CTNNA2: variants seen among roughly 807,000 people sequenced by gnomAD.
CTNNA2 encodes the protein catenin alpha-2.
CTNNA2 carries 42 observed loss-of-function variants against 101.0 expected under a neutral mutation model. That is an observed-to-expected ratio of 0.42 (90% confidence interval 0.32 to 0.54). The LOEUF is 0.54. Ranked by LOEUF, CTNNA2 falls within the 20% of genes least tolerant of loss-of-function variation. CTNNA2 has a pLI of 0.14. For missense variants in CTNNA2, 871 were observed against 1,223.1 expected (o/e 0.71, Z 4.29); for synonymous variants, 450 against 456.4 (o/e 0.99, Z 0.18).
At chr2:79,526,697 A>G (rs79839199) in intron 1 of CTNNA2, among the ~76,000 whole-genome samples, 1,639 of 152,256 alleles carry the variant, frequency 0.011, 33 homozygotes, top group East Asian at 0.048. Context: ...TGATTTTTCA[A>G]CAAGGGTGAC....
chr2:79,493,414 G>A (rs1193918817), intron 4 of CTNNA2, among the ~76,000 whole-genome samples: 5 of 152,064 alleles, frequency 3.3e-5, no homozygotes, highest in South Asian at 2.1e-4. Flanking sequence ...TCAGATGTTC[G>A]AGACCAGCCT....
intron 4 of CTNNA2, among the ~76,000 whole-genome samples, chr2:79,445,180 A>G (rs1041510591): frequency 6.6e-5 from 10 of 152,144 alleles, no homozygotes; most frequent in African/African-American, 2.4e-4. Context: ...TGCTTTCTGG[A>G]GAGTAAGGAG....
chr2:80,543,128 T>C (rs1004994613), intron 9 of CTNNA2, among the ~76,000 whole-genome samples: 7 of 152,324 alleles, frequency 4.6e-5, no homozygotes, highest in Admixed American at 2.6e-4. Context: ...ATTTATTAAA[T>C]AAACATGTAC....
rs1033272726 is a variant in CTNNA2 at position 80,489,802 on chromosome 2, C to T, written c.1291-55180C>T. On this transcript the variant is annotated intron_variant, in intron 9 of 18. Transcript: ENST00000402739. ...AATTTTATTTTAATGTTCAGACATG[C>T]TGATTGTGGAAAGACAGTGTGAGAA... is the stretch of plus-strand genomic sequence containing the variant. Among the ~76,000 whole-genome samples, 21 of 152,168 alleles carry T rather than the reference C, an allele frequency of 1.4e-4. No homozygotes were observed. The Middle Eastern group carries it at 0.014, about 99-fold the overall frequency.
intron 4 of CTNNA2, among the ~76,000 whole-genome samples, chr2:79,384,864 G>T (rs1454613273): frequency 1.3e-5 from 2 of 152,032 alleles, no homozygotes; most frequent in African/African-American, 4.8e-5. Context: ...CTTATACTAG[G>T]AATTTGGTTC....
At chr2:80,619,865 T>A (rs537491010) in intron 18 of CTNNA2, among the ~76,000 whole-genome samples, 46 of 152,094 alleles carry the variant, frequency 3.0e-4, no homozygotes, top group African/African-American at 1.0e-3. Context: ...CTAACCCTGA[T>A]GCTGTTTCAT....
intron 15 of CTNNA2, chr2:80,603,686 T>A (rs1284046239): frequency 6.3e-6 from 1 of 159,910 alleles, no homozygotes; most frequent in Non-Finnish European, 1.4e-5. Flanking sequence ...CTCATTTTAT[T>A]TTCTAAATGG....
intron 2 of CTNNA2, among the ~76,000 whole-genome samples, chr2:79,261,334 C>T (rs1340529717): frequency 2.6e-5 from 4 of 152,300 alleles, no homozygotes; most frequent in Non-Finnish European, 4.4e-5. Flanking sequence ...TATCAACAGG[C>T]TACGTGGAGA....
chr2:79,773,924 G>A (rs1399211275), intron 3 of CTNNA2, among the ~76,000 whole-genome samples: 1 of 152,038 alleles, frequency 6.6e-6, no homozygotes, highest in South Asian at 2.1e-4. Context: ...TAAAATCTTG[G>A]CTGCTGTATT....
chr2:80,559,254 T>C lies in CTNNA2; in HGVS notation c.1741+3361T>C, dbSNP rs78643642. On this transcript the variant is annotated intron_variant, in intron 12 of 18. Coordinates refer to ENST00000402739, the MANE Select transcript of CTNNA2 (RefSeq NM_001282597.3). The stretch of plus-strand genomic sequence containing the variant: ...TGAAAAGGGAGTGGGGTTGGGAGTA[T>C]ATTACAAAGAAGAATCTGTAAAAGG... Among the ~76,000 whole-genome samples the C allele has an allele frequency of 1.9e-4, 29 of 152,282 alleles. No homozygotes were observed. In the East Asian group the frequency reaches 4.1e-3, roughly 21 times the overall value.
chr2:79,267,961 C>A (rs1362635786), intron 2 of CTNNA2, among the ~76,000 whole-genome samples: 1 of 152,092 alleles, frequency 6.6e-6, no homozygotes, highest in Non-Finnish European at 1.5e-5. Flanking sequence ...TAGAGGTGAG[C>A]AAGGCAGAAT....
chr2:80,449,510 T>C lies in CTNNA2; in HGVS notation c.1290+29909T>C, dbSNP rs548511175. On this transcript the variant is annotated intron_variant, in intron 9 of 18. Coordinates refer to ENST00000402739, the MANE Select transcript of CTNNA2 (RefSeq NM_001282597.3). ...CTGTTTTCAAATAACTTTCTATACTTAAAATGATTTTTAATGGATCCTCCT... is the reference window on the plus strand; with the variant it reads ...CTGTTTTCAAATAACTTTCTATACTCAAAATGATTTTTAATGGATCCTCCT... 1.2e-4 allele frequency among the ~76,000 whole-genome samples: 19 copies of C among 152,304 alleles called. 1 individual carries two copies. The East Asian group carries it at 3.7e-3, about 29-fold the overall frequency.
At chr2:80,345,696 A>T (rs1176758995) in intron 7 of CTNNA2, among the ~76,000 whole-genome samples, 1 of 152,170 alleles carries the variant, frequency 6.6e-6, no homozygotes, top group African/African-American at 2.4e-5. Context: ...AATAGTTCTT[A>T]ATCTTTTCTA....
At chr2:80,034,683 A>T (rs1024580953) in intron 7 of CTNNA2, among the ~76,000 whole-genome samples, 4 of 152,158 alleles carry the variant, frequency 2.6e-5, no homozygotes, top group Admixed American at 2.6e-4. Context: ...AATAAATGCA[A>T]ATTTAAAATA....
intron 6 of CTNNA2, among the ~76,000 whole-genome samples, chr2:79,876,045 A>G (rs2104076539): frequency 6.6e-6 from 1 of 152,286 alleles, no homozygotes; most frequent in Non-Finnish European, 1.5e-5. Flanking sequence ...GGACCTAAAA[A>G]GTCAAATTAT....
chr2:80,410,456 A>C (rs1385120513), intron 8 of CTNNA2, among the ~76,000 whole-genome samples: 1 of 152,234 alleles, frequency 6.6e-6, no homozygotes, highest in East Asian at 1.9e-4. Flanking sequence ...TTATGCAATT[A>C]ATATTCCTTT....
chr2:80,192,809 G>A (rs1021295502), intron 7 of CTNNA2, among the ~76,000 whole-genome samples: 18 of 152,172 alleles, frequency 1.2e-4, no homozygotes, highest in African/African-American at 3.6e-4. Flanking sequence ...CACCGCACCC[G>A]TGCACTAATC....
intron 2 of CTNNA2, among the ~76,000 whole-genome samples, chr2:79,201,644 A>C (rs1032976057): frequency 2.0e-5 from 3 of 152,020 alleles, no homozygotes; most frequent in African/African-American, 7.2e-5. Flanking sequence ...GATTCTCTGG[A>C]GGGGGAGCTT....
chr2:79,467,139 G>A (rs150168089), intron 4 of CTNNA2, among the ~76,000 whole-genome samples: 2,682 of 152,262 alleles, frequency 0.018, 46 homozygotes, highest in Non-Finnish European at 0.028. Flanking sequence ...AAAAAGATTA[G>A]ATGAATGGCT....
Sources: gnomAD v4.1 joint callset for allele counts (sites outside exome capture counted in the v4.1 genomes callset) on GRCh38, gnomAD v4.1.1 for gene constraint, MANE v1.5 for transcripts, NCBI Gene and HGNC (gene_info 2026-07-23, HGNC 2026-07-21) for gene names.